Variants in GPC5 observed in about 807,000 individuals in gnomAD.
The protein encoded by GPC5 is glypican-5.
GPC5 carries 47 observed loss-of-function variants against 53.9 expected under a neutral mutation model. The ratio of observed to expected loss-of-function variants is 0.87; its 90% CI spans 0.69 to 1.11. The LOEUF is 1.11. GPC5 is among the 50% of genes most tolerant of loss of function. The probability of loss-of-function intolerance (pLI) is 0.00; values close to 1 mark genes in which losing one functional copy is unlikely to be tolerated. For missense variants in GPC5, 748 were observed against 713.1 expected (o/e 1.05, Z -0.56); for synonymous variants, 286 against 263.3 (o/e 1.09, Z -0.84).
intron 2 of GPC5, among the ~76,000 whole-genome samples, chr13:91,477,530 A>G (rs898505344): frequency 2.0e-5 from 3 of 152,212 alleles, no homozygotes; most frequent in Admixed American, 6.5e-5. Flanking sequence ...TGTCCATTGA[A>G]AAAGGAGTCC....
chr13:92,830,407 C>T (rs1437200315), intron 7 of GPC5, among the ~76,000 whole-genome samples: 1 of 150,704 alleles, frequency 6.6e-6, no homozygotes, highest in Non-Finnish European at 1.5e-5. Context: ...ACATGATTAC[C>T]CAGTCAAAAC....
chr13:91,873,619 T>C (rs891527913), intron 5 of GPC5, among the ~76,000 whole-genome samples: 3 of 152,158 alleles, frequency 2.0e-5, no homozygotes, highest in Non-Finnish European at 4.4e-5. Flanking sequence ...TCCCCAGCCA[T>C]GTGGAACTGT....
At chr13:92,417,794 T>C (rs994340971) in intron 7 of GPC5, among the ~76,000 whole-genome samples, 10 of 152,102 alleles carry the variant, frequency 6.6e-5, no homozygotes, top group Non-Finnish European at 1.0e-4. Flanking sequence ...GGGGGGCTGA[T>C]GCGGGAGGAT....
chr13:92,425,781 C>A (rs949462917), intron 7 of GPC5, among the ~76,000 whole-genome samples: 1 of 152,116 alleles, frequency 6.6e-6, no homozygotes, highest in Non-Finnish European at 1.5e-5. Context: ...CCCATGTTCA[C>A]TGCTTCTCCC....
At chr13:92,124,691 TAATG>T (rs1039036723) in intron 6 of GPC5, among the ~76,000 whole-genome samples, 34 of 152,248 alleles carry the variant, frequency 2.2e-4, no homozygotes, top group Admixed American at 1.7e-3. Flanking sequence ...AGTTTGCTGA[TAATG>T]AAGAGAGACA....
intron 7 of GPC5, among the ~76,000 whole-genome samples, chr13:92,660,922 A>T (rs2139185318): frequency 6.6e-6 from 1 of 152,214 alleles, no homozygotes. Flanking sequence ...ATTATTTTAA[A>T]GTTAACATTT....
intron 2 of GPC5, among the ~76,000 whole-genome samples, chr13:91,452,260 A>C (rs1183932105): frequency 6.6e-6 from 1 of 152,140 alleles, no homozygotes; most frequent in East Asian, 1.9e-4. Flanking sequence ...CTGGGATTAT[A>C]GGCATAAGCC....
At chr13:91,807,554 C>A (rs1323901698) in intron 5 of GPC5, among the ~76,000 whole-genome samples, 1 of 152,162 alleles carries the variant, frequency 6.6e-6, no homozygotes, top group Non-Finnish European at 1.5e-5. Context: ...ATTTTTACCT[C>A]TGATTGCTAA....
At chr13:92,631,053 AAAACAT>A (rs1885218786) in intron 7 of GPC5, among the ~76,000 whole-genome samples, 1 of 152,154 alleles carries the variant, frequency 6.6e-6, no homozygotes. Flanking sequence ...TTTGGAGTAT[AAAACAT>A]AAACATAAAA....
chr13:91,908,026 A>G lies in GPC5; in HGVS notation c.1370A>G (p.Gln457Arg). The G allele has an allele frequency of 6.3e-7, 1 of 1,591,804 alleles. No homozygotes were observed. The highest frequency in any genetic ancestry group is 8.5e-7 in the Non-Finnish European group (1 of 1,176,322). Reference protein sequence around the residue: ...KVKGIDPVINQIIDKLKHVVQ... With the variant: ...KVKGIDPVINRIIDKLKHVVQ... ...AAAGGAATTGATCCTGTGATAAATC[A>G]GATTATTGATAAACTGAAGCATGTT... Residue 457 changes from glutamine to arginine, a missense_variant, in exon 6 of 8, where the codon CAG (glutamine) becomes CGG (arginine). Transcript: ENST00000377067.
intron 7 of GPC5, among the ~76,000 whole-genome samples, chr13:92,148,625 A>T (rs2041885065): frequency 6.6e-6 from 1 of 152,110 alleles, no homozygotes; most frequent in Admixed American, 6.6e-5. Context: ...TGGTTCATTT[A>T]CATAGATATA....
chr13:92,358,622 C>T (rs1266340313), intron 7 of GPC5, among the ~76,000 whole-genome samples: 4 of 151,784 alleles, frequency 2.6e-5, no homozygotes, highest in East Asian at 3.9e-4. Context: ...GGTGGAGGAT[C>T]CCAAGCTTCA....
chr13:92,123,942 G>A (rs1327313931), intron 6 of GPC5, among the ~76,000 whole-genome samples: 2 of 151,974 alleles, frequency 1.3e-5, no homozygotes, highest in Non-Finnish European at 2.9e-5. Context: ...AAGATGAATA[G>A]CATTGAGTTT....
chr13:91,494,020 C>G (rs1884091203), intron 2 of GPC5, among the ~76,000 whole-genome samples: 1 of 151,822 alleles, frequency 6.6e-6, no homozygotes, highest in African/African-American at 2.4e-5. Context: ...ACTACAGGCA[C>G]CCACCACCAC....
intron 7 of GPC5, among the ~76,000 whole-genome samples, chr13:92,158,781 G>A (rs2139002771): frequency 6.6e-6 from 1 of 152,172 alleles, no homozygotes; most frequent in South Asian, 2.1e-4. Flanking sequence ...TTTTTGCTGA[G>A]ATATGGAAAC....
intron 6 of GPC5, among the ~76,000 whole-genome samples, chr13:92,031,707 TA>T (rs1346588886): frequency 2.9e-5 from 2 of 69,376 alleles, no homozygotes; most frequent in Non-Finnish European, 5.3e-5. Flanking sequence ...ATATATTATA[TA>T]TATTACATAT....
intron 6 of GPC5, among the ~76,000 whole-genome samples, chr13:92,142,462 G>A (rs866149417): frequency 6.6e-6 from 1 of 152,224 alleles, no homozygotes; most frequent in Middle Eastern, 3.4e-3. Context: ...TTGAGTTCAT[G>A]TGCCTCAGAC....
chr13:91,962,705 G>GA (rs35162327), intron 6 of GPC5, among the ~76,000 whole-genome samples: 18 of 151,744 alleles, frequency 1.2e-4, no homozygotes, highest in African/African-American at 3.6e-4. Context: ...ATCATATTGT[G>GA]AAAAAAAATG....
At chr13:91,926,364 A>G in intron 6 of GPC5, among the ~76,000 whole-genome samples, 1 of 151,358 alleles carries the variant, frequency 6.6e-6, no homozygotes, top group Non-Finnish European at 1.5e-5. Context: ...CCACCTAAAA[A>G]AAAAAAAAAA....
Sources: allele counts gnomAD v4.1 joint callset (sites outside exome capture counted in the v4.1 genomes callset), GRCh38; gene constraint gnomAD v4.1.1; transcripts MANE v1.5; gene names NCBI Gene and HGNC (gene_info 2026-07-23, HGNC 2026-07-21).